Variants in ALG8 observed in about 807,000 individuals in gnomAD.
ALG8 encodes the protein ALG8 alpha-1,3-glucosyltransferase.
A neutral mutation model predicts 70.2 loss-of-function variants in ALG8; 48 were observed. The ratio of observed to expected loss-of-function variants is 0.68; its 90% confidence interval spans 0.54 to 0.87. The LOEUF (loss-of-function observed/expected upper bound fraction) is 0.87, where lower values mean the gene tolerates loss of function less well. ALG8 is among the 40% of genes least tolerant of loss of function. The probability of loss-of-function intolerance (pLI) is 0.00; values close to 1 mark genes in which losing one functional copy is unlikely to be tolerated. For missense variants in ALG8, 572 were observed against 608.7 expected, an observed-to-expected ratio of 0.94 and a Z score of 0.64; for synonymous variants, 234 against 229.0, an observed-to-expected ratio of 1.02 and a Z score of -0.20.
chr11:78,130,980 C>T (rs1861285815), intron 1 of ALG8, among the ~76,000 whole-genome samples: 1 of 152,120 alleles, frequency 6.6e-6, no homozygotes, highest in South Asian at 2.1e-4. Context: ...TTCATAGCAT[C>T]TGTTCTTGTT....
At chr11:78,125,223 G>A (rs1290417020) in intron 2 of ALG8, among the ~76,000 whole-genome samples, 2 of 151,402 alleles carry the variant, frequency 1.3e-5, no homozygotes, top group Non-Finnish European at 2.9e-5. Context: ...TAGTAGAGAC[G>A]GGGTTTCACC....
intron 1 of ALG8, among the ~76,000 whole-genome samples, chr11:78,135,943 TG>T (rs1861529533): frequency 6.7e-6 from 1 of 148,948 alleles, no homozygotes; most frequent in Non-Finnish European, 1.5e-5. Context: ...CCAAGACAGG[TG>T]GATCGCTTGA....
intron 3 of ALG8, among the ~76,000 whole-genome samples, chr11:78,121,758 CA>C: frequency 2.0e-5 from 3 of 152,094 alleles, no homozygotes; most frequent in Admixed American, 2.0e-4. Flanking sequence ...AACTGCAGAC[CA>C]GGCTAATTTA....
intron 9 of ALG8, among the ~76,000 whole-genome samples, chr11:78,108,062 G>A (rs1479211822): frequency 2.6e-5 from 4 of 151,762 alleles, no homozygotes; most frequent in Non-Finnish European, 4.4e-5. Context: ...GGCGGATCAC[G>A]AGGTCAGGAG....
At chr11:78,135,912 T>C (rs1861528297) in intron 1 of ALG8, among the ~76,000 whole-genome samples, 1 of 151,570 alleles carries the variant, frequency 6.6e-6, no homozygotes, top group African/African-American at 2.4e-5. Context: ...CTCATGTCTG[T>C]AATCCTAGCA....
chr11:78,134,729 C>A (rs1251804125), intron 1 of ALG8, among the ~76,000 whole-genome samples: 1 of 152,220 alleles, frequency 6.6e-6, no homozygotes, highest in Non-Finnish European at 1.5e-5. Flanking sequence ...TGAGAAGTAA[C>A]TCCTCATCCA....
chr11:78,107,382 A>T (rs1449661789), intron 9 of ALG8, among the ~76,000 whole-genome samples: 1 of 147,498 alleles, frequency 6.8e-6, no homozygotes, highest in Non-Finnish European at 1.5e-5. Context: ...CACCACGCCC[A>T]GCTAATTTTT....
chr11:78,128,807 G>A (rs1237991742), intron 1 of ALG8, among the ~76,000 whole-genome samples: 1 of 151,474 alleles, frequency 6.6e-6, no homozygotes, highest in Non-Finnish European at 1.5e-5. Context: ...GTAGAGATGG[G>A]GTTTTACTGT....
At chr11:78,112,017 A>G (rs1860310745) in intron 8 of ALG8, among the ~76,000 whole-genome samples, 1 of 152,084 alleles carries the variant, frequency 6.6e-6, no homozygotes, top group South Asian at 2.1e-4. Flanking sequence ...TGTGCTGGTA[A>G]TCCCAGCACT....
At chr11:78,123,984 A>C (rs1249110227) in intron 3 of ALG8, 37 bp downstream of exon 3, 3 of 1,608,550 alleles carry the variant, frequency 1.9e-6, no homozygotes, top group Non-Finnish European at 2.6e-6. Context: ...CTATTTTTTC[A>C]ATACCTTCCA....
chr11:78,106,263 T>A (rs1280890757), intron 10 of ALG8, among the ~76,000 whole-genome samples: 1 of 151,864 alleles, frequency 6.6e-6, no homozygotes, highest in Non-Finnish European at 1.5e-5. Context: ...AGTGGTGCGA[T>A]CTCGGCTCAC....
intron 5 of ALG8, among the ~76,000 whole-genome samples, chr11:78,115,099 C>A (rs1860497336): frequency 6.6e-6 from 1 of 152,218 alleles, no homozygotes; most frequent in Admixed American, 6.5e-5. Context: ...GTGGCACAAT[C>A]CTGACTCACT....
Position 78,114,270 on chromosome 11 carries a change from T to G in ALG8, c.669A>C (p.Lys223Asn), listed in dbSNP as rs201538885. ...LLRSYCFTAN[K>N]PDGSIRWKSF... The stretch of plus-strand genomic sequence containing the variant: ...GCTATTATTACCAAAACTTGCCTGG[T>G]TTATTTGCAGTGAAACAGTAGGATC... Residue 223 changes from lysine (K) to asparagine (N), a missense_variant, in exon 6 of 13, where the codon AAA becomes AAC. Physicochemically the swap from Lys to Asn is moderately conservative, Grantham distance 94 (BLOSUM62 0). Coordinates refer to ENST00000299626, the MANE Select transcript of ALG8 (RefSeq NM_024079.5). 5.6e-6 allele frequency: 9 copies of G among 1,614,072 alleles called. No individual in the cohort carries two copies. In the East Asian group the frequency reaches 2.0e-4, roughly 36 times the overall value.
chr11:78,112,908 TCAC>T, intron 7 of ALG8, 138 bp from the exon 8 acceptor site: 1 of 1,013,010 alleles, frequency 9.9e-7, no homozygotes, highest in Non-Finnish European at 1.4e-6. Context: ...GGTTATATGC[TCAC>T]CACAATGTAA....
At chr11:78,125,439 C>A (rs962012110) in intron 2 of ALG8, among the ~76,000 whole-genome samples, 81 of 151,384 alleles carry the variant, frequency 5.4e-4, no homozygotes, top group African/African-American at 1.8e-3. Flanking sequence ...GGTATCGAAA[C>A]TCATAGGAAA....
At chr11:78,109,418 G>A in intron 9 of ALG8, 24 bp downstream of exon 9, 1 of 1,614,032 alleles carries the variant, frequency 6.2e-7, no homozygotes, top group Non-Finnish European at 8.5e-7. Context: ...CTCAAGAAAT[G>A]AGCACCATCT....
chr11:78,107,219 ATAT>A (rs1860078933), intron 9 of ALG8, among the ~76,000 whole-genome samples: 1 of 138,712 alleles, frequency 7.2e-6, no homozygotes, highest in African/African-American at 3.1e-5. Context: ...ATATATATAT[ATAT>A]AATTTTTTGT....
At chr11:78,123,317 A>G (rs1860909223) in intron 3 of ALG8, among the ~76,000 whole-genome samples, 1 of 70,682 alleles carries the variant, frequency 1.4e-5, no homozygotes. Flanking sequence ...AAAAAAAAGA[A>G]AAAAAAAAAA....
At position 78,121,831 on chromosome 11, in the gene ALG8, T is replaced by G. The variant is rs368828084; in HGVS notation, c.369-657A>C. ...AAGAACAGAACTGCAAATGTGCACC[T>G]CCTGACTGTCCAAATTATAATTTAA... On this transcript the variant is annotated intron_variant, in intron 3 of 12. Transcript: ENST00000299626. 5.3e-5 allele frequency among the ~76,000 whole-genome samples: 8 copies of G among 152,160 alleles called. No individual in the cohort carries two copies. In the South Asian group the frequency reaches 1.7e-3, roughly 32 times the overall value.
Sources: allele counts gnomAD v4.1 joint callset (sites outside exome capture counted in the v4.1 genomes callset), GRCh38; gene constraint gnomAD v4.1.1; transcripts MANE v1.5; gene names NCBI Gene and HGNC (gene_info 2026-07-23, HGNC 2026-07-21).